RTL4: variants seen among roughly 807,000 people sequenced by gnomAD.
RTL4 encodes the protein retrotransposon Gag like 4.
In RTL4, 4 loss-of-function variants were observed where a neutral mutation model predicts 5.3. That is an observed-to-expected ratio of 0.75 (90% CI 0.37 to 1.72). RTL4 has a LOEUF of 1.72. Ranked by LOEUF, RTL4 falls within the 40% of genes most tolerant of loss-of-function variation. RTL4 has a pLI of 0.04. For missense variants in RTL4, 260 were observed against 227.1 expected (o/e 1.14, Z -0.93); for synonymous variants, 98 against 87.3 (o/e 1.12, Z -0.68).
chrX:112,366,588 G>A, the RTL4 span, among the ~76,000 whole-genome samples: 2 of 111,983 alleles, frequency 1.8e-5, no homozygotes, highest in Admixed American at 9.4e-5. Flanking sequence ...CTTATTTTAT[G>A]AGTATGCTAG....
the RTL4 span, among the ~76,000 whole-genome samples, chrX:112,375,766 C>G: frequency 9.0e-6 from 1 of 111,473 alleles, no homozygotes; most frequent in East Asian, 2.8e-4. Context: ...CGGTAGAATG[C>G]TTCTATTTTG....
chrX:112,207,178 T>A, the RTL4 span, among the ~76,000 whole-genome samples: 1 of 111,736 alleles, frequency 8.9e-6, no homozygotes, highest in Non-Finnish European at 1.9e-5. Flanking sequence ...CAAATATTAA[T>A]CAATCCATGC....
the RTL4 span, among the ~76,000 whole-genome samples, chrX:112,229,187 T>C: frequency 8.9e-6 from 1 of 112,279 alleles, no homozygotes; most frequent in Non-Finnish European, 1.9e-5. Context: ...TGTCTTCTAC[T>C]CAATAAATTT....
the RTL4 span, among the ~76,000 whole-genome samples, chrX:112,115,176 G>C: frequency 1.8e-5 from 2 of 111,018 alleles, no homozygotes; most frequent in Non-Finnish European, 3.8e-5. Flanking sequence ...CACAGGAATA[G>C]TTGCGCTCAC....
At chrX:112,124,492 T>C in the RTL4 span, among the ~76,000 whole-genome samples, 6 of 111,722 alleles carry the variant, frequency 5.4e-5, no homozygotes, top group Non-Finnish European at 9.4e-5. Flanking sequence ...TATGCAACCA[T>C]AAAATGGAAT....
the RTL4 span, among the ~76,000 whole-genome samples, chrX:112,114,461 C>G: frequency 3.6e-5 from 4 of 112,201 alleles, no homozygotes; most frequent in Non-Finnish European, 7.5e-5. Flanking sequence ...CATGACATCT[C>G]TCCATGTGAG....
the RTL4 span, among the ~76,000 whole-genome samples, chrX:112,146,511 G>C: frequency 9.0e-6 from 1 of 110,969 alleles, no homozygotes; most frequent in Non-Finnish European, 1.9e-5. Flanking sequence ...TTTAAAATCT[G>C]AGTGAGTTAG....
chrX:112,260,169 G>T, the RTL4 span, among the ~76,000 whole-genome samples: 1 of 111,627 alleles, frequency 9.0e-6, no homozygotes, highest in Non-Finnish European at 1.9e-5. Context: ...TTTATCTAGG[G>T]CTGGTGGTTG....
the RTL4 span, among the ~76,000 whole-genome samples, chrX:112,192,352 G>T: frequency 9.0e-6 from 1 of 110,510 alleles, no homozygotes; most frequent in Admixed American, 9.7e-5. Flanking sequence ...TAGGGGAAAA[G>T]CTTTTAGTCT....
the RTL4 span, among the ~76,000 whole-genome samples, chrX:112,178,208 C>A: frequency 3.3e-4 from 37 of 111,507 alleles, no homozygotes; most frequent in African/African-American, 1.2e-3. Context: ...CTTGCCTATA[C>A]CATACAGTGC....
chrX:112,397,072 A>G, the RTL4 span, among the ~76,000 whole-genome samples: 1 of 111,628 alleles, frequency 9.0e-6, no homozygotes, highest in Non-Finnish European at 1.9e-5. Context: ...TTTTCATACT[A>G]TTGTCTTTGG....
At chrX:112,305,927 G>C in the RTL4 span, among the ~76,000 whole-genome samples, 1 of 111,364 alleles carries the variant, frequency 9.0e-6, no homozygotes, top group Non-Finnish European at 1.9e-5. Context: ...TGGCCTCTCT[G>C]GACCTCAGAG....
chrX:112,436,917 G>C, the RTL4 span, among the ~76,000 whole-genome samples: 1 of 111,733 alleles, frequency 8.9e-6, no homozygotes. Flanking sequence ...TGTGAAATGA[G>C]AAACACTGGG....
the RTL4 span, among the ~76,000 whole-genome samples, chrX:112,361,216 A>G: frequency 9.0e-6 from 1 of 111,392 alleles, no homozygotes; most frequent in East Asian, 2.9e-4. Context: ...TGCTATTACA[A>G]TTGGGGAAAA....
At chrX:112,427,888 G>A in the RTL4 span, among the ~76,000 whole-genome samples, 1 of 110,086 alleles carries the variant, frequency 9.1e-6, no homozygotes, top group African/African-American at 3.3e-5. Flanking sequence ...AGTGTATACA[G>A]TACCCAATAT....
the RTL4 span, among the ~76,000 whole-genome samples, chrX:112,192,312 G>A: frequency 9.1e-6 from 1 of 110,250 alleles, no homozygotes; most frequent in Non-Finnish European, 1.9e-5. Flanking sequence ...GAAATGATGA[G>A]ACTGTATATC....
At chrX:112,185,898 A>G in the RTL4 span, among the ~76,000 whole-genome samples, 1 of 110,932 alleles carries the variant, frequency 9.0e-6, no homozygotes, top group African/African-American at 3.3e-5. Flanking sequence ...CAATTGTGGG[A>G]GCTAATTAGT....
chrX:112,249,555 T>A, the RTL4 span, among the ~76,000 whole-genome samples: 27 of 111,088 alleles, frequency 2.4e-4, no homozygotes, highest in Admixed American at 2.5e-3. Context: ...TCATTCAGTC[T>A]GTTGAAAGAC....
chrX:112,244,258 G>A, the RTL4 span, among the ~76,000 whole-genome samples: 2 of 111,519 alleles, frequency 1.8e-5, no homozygotes, highest in African/African-American at 6.5e-5. Context: ...CCTTGTTAAT[G>A]TTCTGTCTTG....
Sources: allele counts gnomAD v4.1 joint callset (sites outside exome capture counted in the v4.1 genomes callset), GRCh38; gene constraint gnomAD v4.1.1; transcripts MANE v1.5; gene names NCBI Gene and HGNC (gene_info 2026-07-23, HGNC 2026-07-21).